Variants in APP observed in about 807,000 individuals in gnomAD.
APP encodes the protein amyloid beta precursor protein, also known as amyloid-beta precursor protein.
In APP, 31 loss-of-function variants were observed where a neutral mutation model predicts 101.4. The observed-to-expected ratio is 0.31, with a 90% confidence interval of 0.23 to 0.41. The LOEUF is 0.41. APP is among the 10% of genes least tolerant of loss of function. The probability of loss-of-function intolerance (pLI) is 1.00; values close to 1 mark genes in which losing one functional copy is unlikely to be tolerated. For synonymous variants in APP, 366 were observed against 364.4 expected (o/e 1.00, Z -0.05); for missense variants, 839 against 1,003.7 (o/e 0.84, Z 2.22).
chr21:26,097,154 T>G (rs1407479285), intron 2 of APP, among the ~76,000 whole-genome samples: 1 of 152,190 alleles, frequency 6.6e-6, no homozygotes, highest in Non-Finnish European at 1.5e-5. Context: ...TCCCACCACA[T>G]GATGCCCTCA....
chr21:26,072,161 A>G (rs1245424696), intron 3 of APP, among the ~76,000 whole-genome samples: 4 of 152,244 alleles, frequency 2.6e-5, no homozygotes, highest in Admixed American at 1.3e-4. Flanking sequence ...TGTACAAAAG[A>G]CATCTTTTAT....
intron 1 of APP, among the ~76,000 whole-genome samples, chr21:26,119,749 G>A (rs975169268): frequency 2.6e-5 from 4 of 152,046 alleles, no homozygotes; most frequent in African/African-American, 9.7e-5. Context: ...AATCTCAAAT[G>A]CTGGTACTTT....
At chr21:26,033,038 G>C (rs183654492) in intron 5 of APP, among the ~76,000 whole-genome samples, 2 of 151,762 alleles carry the variant, frequency 1.3e-5, no homozygotes, top group East Asian at 1.9e-4. Context: ...GGTAAACTGG[G>C]ACATGATGAA....
intron 14 of APP, 146 bp downstream of exon 14, chr21:25,911,594 TA>T: frequency 1.5e-6 from 1 of 686,246 alleles, no homozygotes; most frequent in Non-Finnish European, 2.5e-6. Flanking sequence ...CTTTTTAAAG[TA>T]AAATTATAAT....
chr21:25,943,512 G>C (rs1434221143), intron 13 of APP, among the ~76,000 whole-genome samples: 1 of 150,800 alleles, frequency 6.6e-6, no homozygotes, highest in Admixed American at 6.6e-5. Flanking sequence ...GGGTGAAGTG[G>C]CAGGATCTCA....
At chr21:26,131,712 T>C (rs2062800597) in intron 1 of APP, among the ~76,000 whole-genome samples, 1 of 152,228 alleles carries the variant, frequency 6.6e-6, no homozygotes, top group Non-Finnish European at 1.5e-5. Flanking sequence ...TCAAGTCATC[T>C]GAGAGATCTA....
chr21:26,007,799 G>T (rs1425526379), intron 6 of APP, among the ~76,000 whole-genome samples: 1 of 152,062 alleles, frequency 6.6e-6, no homozygotes, highest in Non-Finnish European at 1.5e-5. Flanking sequence ...TAATAGAAAA[G>T]AACATTTTTC....
intron 8 of APP, among the ~76,000 whole-genome samples, chr21:25,984,844 T>A (rs538461303): frequency 1.3e-5 from 2 of 152,340 alleles, no homozygotes; most frequent in South Asian, 4.1e-4. Context: ...TATTTTATGT[T>A]TGAAACAAAT....
intron 13 of APP, chr21:25,945,919 T>A (rs2040797616): frequency 2.2e-6 from 1 of 455,652 alleles, no homozygotes; most frequent in Non-Finnish European, 4.4e-6. Flanking sequence ...TGGGCTCAAG[T>A]CATCTGCCCA....
intron 2 of APP, among the ~76,000 whole-genome samples, chr21:26,109,404 T>G (rs1308912043): frequency 1.3e-5 from 2 of 151,894 alleles, no homozygotes; most frequent in Non-Finnish European, 2.9e-5. Flanking sequence ...GTGTAGCACC[T>G]CTCCCTTCAC....
intron 13 of APP, among the ~76,000 whole-genome samples, chr21:25,930,885 G>A (rs2040117786): frequency 6.6e-6 from 1 of 152,128 alleles, no homozygotes; most frequent in Non-Finnish European, 1.5e-5. Context: ...CCTGGCAACA[G>A]AAAGCACTTC....
intron 5 of APP, among the ~76,000 whole-genome samples, chr21:26,026,761 T>C (rs1294168771): frequency 6.6e-6 from 1 of 152,212 alleles, no homozygotes; most frequent in Non-Finnish European, 1.5e-5. Context: ...AGTATGACAC[T>C]ACAATGGTGG....
At chr21:25,969,874 G>GATT (rs1479695265) in intron 11 of APP, among the ~76,000 whole-genome samples, 1 of 16,504 alleles carries the variant, frequency 6.1e-5, no homozygotes, top group Non-Finnish European at 1.4e-4. Context: ...GAAAAGAAAA[G>GATT]AGAAAAGAAA....
chr21:25,882,010 G>GT (rs2037020168), intron 17 of APP, among the ~76,000 whole-genome samples: 1 of 152,076 alleles, frequency 6.6e-6, no homozygotes, highest in South Asian at 2.1e-4. Flanking sequence ...CGCTTGCAAC[G>GT]TGTCCAGTGG....
chr21:26,078,487 A>T (rs1045186437), intron 3 of APP, among the ~76,000 whole-genome samples: 4 of 152,200 alleles, frequency 2.6e-5, no homozygotes, highest in African/African-American at 9.7e-5. Flanking sequence ...CTTGGGTTTC[A>T]TGGCAAAGGC....
chr21:26,133,043 C>T (rs1316447249), intron 1 of APP, among the ~76,000 whole-genome samples: 1 of 152,034 alleles, frequency 6.6e-6, no homozygotes, highest in Admixed American at 6.5e-5. Context: ...TGGAGACCAG[C>T]CTGGGCAACA....
At chr21:26,072,782 C>T (rs1025301316) in intron 3 of APP, among the ~76,000 whole-genome samples, 2 of 152,170 alleles carry the variant, frequency 1.3e-5, no homozygotes, top group Non-Finnish European at 2.9e-5. Flanking sequence ...TGCATAAAAT[C>T]AAGGGTCTAG....
At chr21:25,932,357 C>CG (rs1555898239) in intron 13 of APP, among the ~76,000 whole-genome samples, 9 of 152,226 alleles carry the variant, frequency 5.9e-5, no homozygotes, top group Non-Finnish European at 1.0e-4. Context: ...GGGGTGTCAT[C>CG]TTATTCACCT....
chr21:26,054,693 C>G (rs904852710), intron 3 of APP, among the ~76,000 whole-genome samples: 10 of 142,808 alleles, frequency 7.0e-5, no homozygotes, highest in African/African-American at 2.6e-4. Flanking sequence ...ATAGTGAAAC[C>G]ATGAAAGCAG....
Sources: gnomAD v4.1 joint callset for allele counts (sites outside exome capture counted in the v4.1 genomes callset) on GRCh38, gnomAD v4.1.1 for gene constraint, MANE v1.5 for transcripts, NCBI Gene and HGNC (gene_info 2026-07-23, HGNC 2026-07-21) for gene names.